Variants in IQANK1 observed in about 807,000 individuals in gnomAD.
IQANK1 encodes IQ motif and ankyrin repeat domain-containing protein 1.
In IQANK1, 30 loss-of-function variants were observed where a neutral mutation model predicts 22.6. The observed-to-expected ratio is 1.33, with a 90% CI of 0.99 to 1.80. The LOEUF (loss-of-function observed/expected upper bound fraction) is 1.80, where lower values mean the gene tolerates loss of function less well. Ranked by LOEUF, IQANK1 falls within the 40% of genes most tolerant of loss-of-function variation. The probability of loss-of-function intolerance (pLI) is 0.00; values close to 1 mark genes in which losing one functional copy is unlikely to be tolerated. For synonymous variants in IQANK1, 122 were observed against 99.6 expected (o/e 1.23, Z -1.34); for missense variants, 275 against 235.2 (o/e 1.17, Z -1.11).
At chr8:143,741,999 G>C (rs545618276) in intron 3 of IQANK1, 1 of 249,898 alleles carries the variant, frequency 4.0e-6, no homozygotes, top group East Asian at 9.3e-5. Flanking sequence ...CTCTGCCCCG[G>C]GGCCTGCTGG....
intron 3 of IQANK1, among the ~76,000 whole-genome samples, chr8:143,751,907 G>A (rs188147761): frequency 7.2e-4 from 84 of 117,254 alleles, no homozygotes; most frequent in African/African-American, 2.6e-3. Flanking sequence ...TAGTTTTGCT[G>A]GATATAGGAT....
intron 7 of IQANK1, among the ~76,000 whole-genome samples, chr8:143,779,063 A>G (rs547668401): frequency 9.8e-5 from 15 of 152,290 alleles, no homozygotes; most frequent in Middle Eastern, 6.8e-3. Flanking sequence ...CACCATGCCC[A>G]GCCATGAGTC....
chr8:143,746,892 A>G (rs1206624524), intron 3 of IQANK1, among the ~76,000 whole-genome samples: 1 of 151,626 alleles, frequency 6.6e-6, no homozygotes, highest in Non-Finnish European at 1.5e-5. Context: ...TTATTTATCT[A>G]TTTATGAGAT....
chr8:143,759,132 G>A (rs1587481453), intron 3 of IQANK1: 4 of 304,576 alleles, frequency 1.3e-5, no homozygotes, highest in South Asian at 7.3e-5. Flanking sequence ...GGAACACCAC[G>A]ATGCTCCAGG....
At chr8:143,750,479 T>G (rs1554627905) in intron 3 of IQANK1, among the ~76,000 whole-genome samples, 3 of 152,324 alleles carry the variant, frequency 2.0e-5, no homozygotes, top group African/African-American at 7.2e-5. Flanking sequence ...GGGGTTTTTA[T>G]TCATCCTGCC....
Position 143,772,138 on chromosome 8 carries a change from G to C in IQANK1, c.558G>C (p.Glu186Asp), listed in dbSNP as rs1177465883. The C allele has an allele frequency of 1.0e-5, 4 of 395,272 alleles. No individual in the cohort carries two copies. Among genetic ancestry groups the C allele is most frequent in the African/African-American group, 4.1e-5 (2 of 48,436 alleles). The allele number at this position is 395,272 out of a possible 1,614,324, so 24.5% of individuals were successfully genotyped here. The change falls in exon 6 of 14, where the codon GAG becomes GAC. Residue 186 changes from glutamate (E) to aspartate (D), a missense_variant. Physicochemically the swap from Glu to Asp is conservative, Grantham distance 45. Coordinates refer to ENST00000527139, the MANE Select transcript of IQANK1 (RefSeq NM_001381874.1). ...TGCAGCGACGCGTGGCTCTGGCGGA[G>C]TGCGAGGACAGCTACGGGAACACGC... ...RRLQRRVALA[E>D]CEDSYGNTPL...
intron 3 of IQANK1, among the ~76,000 whole-genome samples, chr8:143,740,637 C>T (rs147311425): frequency 3.3e-5 from 5 of 152,360 alleles, no homozygotes; most frequent in Admixed American, 1.3e-4. Context: ...GGCCTCGCGG[C>T]CACATCAGGT....
chr8:143,749,191 A>G (rs1310717469), intron 3 of IQANK1, among the ~76,000 whole-genome samples: 4 of 123,678 alleles, frequency 3.2e-5, no homozygotes, highest in African/African-American at 6.6e-5. Flanking sequence ...ATAAATATAT[A>G]TCATATATAA....
rs1201722733 is a variant in IQANK1 at position 143,777,374 on chromosome 8, G to A, written c.789+4892G>A. ...CTACTAAAAATACAAAAATTTGCTG[G>A]GCATGGTGGCAGGCGCCTGTAATCC... is the stretch of plus-strand genomic sequence containing the variant. On this transcript the variant is annotated intron_variant, in intron 7 of 13. Transcript: ENST00000527139. Among the ~76,000 whole-genome samples, 4 of 151,734 alleles carry A rather than the reference G, an allele frequency of 2.6e-5. No individual in the cohort carries two copies. The East Asian group carries it at 5.8e-4, about 22-fold the overall frequency.
chr8:143,777,996 C>T (rs1554630615), intron 7 of IQANK1, among the ~76,000 whole-genome samples: 1 of 152,110 alleles, frequency 6.6e-6, no homozygotes, highest in African/African-American at 2.4e-5. Context: ...AGATCGAGAC[C>T]ATCCTGGCTA....
intron 2 of IQANK1, among the ~76,000 whole-genome samples, chr8:143,736,397 G>C (rs1211547933): frequency 3.3e-5 from 5 of 151,982 alleles, no homozygotes; most frequent in Non-Finnish European, 7.4e-5. Flanking sequence ...CGCCCGCCTC[G>C]GCCTCTCAAA....
At chr8:143,765,674 T>C (rs1446101710) in intron 3 of IQANK1, among the ~76,000 whole-genome samples, 1 of 152,248 alleles carries the variant, frequency 6.6e-6, no homozygotes, top group Non-Finnish European at 1.5e-5. Context: ...TCACTTTTGG[T>C]ATGTTATTTT....
intron 3 of IQANK1, among the ~76,000 whole-genome samples, chr8:143,748,540 TA>T (rs1165177978): frequency 8.8e-5 from 12 of 135,622 alleles, no homozygotes; most frequent in African/African-American, 1.9e-4. Context: ...ATATGATATA[TA>T]ATATATAAAT....
rs149519459 is a variant in IQANK1 at position 143,753,975 on chromosome 8, C to T, written c.175+14027C>T. On this transcript the variant is annotated intron_variant, in intron 3 of 13. Coordinates refer to ENST00000527139, the MANE Select transcript of IQANK1 (RefSeq NM_001381874.1). ...TTGTAGGCTGTCTCTTTCCAAGGCT[C>T]AGCTGGGGTATAAACTTACGGTCTT... Among the ~76,000 whole-genome samples, 29 of 152,092 alleles carry T rather than the reference C, an allele frequency of 1.9e-4. No homozygotes were observed. The East Asian group carries it at 2.5e-3, about 13-fold the overall frequency.
At chr8:143,740,547 C>T (rs1446170636) in intron 3 of IQANK1, among the ~76,000 whole-genome samples, 1 of 152,270 alleles carries the variant, frequency 6.6e-6, no homozygotes, top group Non-Finnish European at 1.5e-5. Flanking sequence ...TGCCCTCCTG[C>T]TTCTGCGCTG....
At chr8:143,784,599 T>A (rs922285108) in intron 7 of IQANK1, among the ~76,000 whole-genome samples, 4 of 152,228 alleles carry the variant, frequency 2.6e-5, no homozygotes, top group African/African-American at 9.6e-5. Flanking sequence ...ATGAGTTTAT[T>A]TTTTACTTAT....
At position 143,764,447 on chromosome 8, in the gene IQANK1, G is replaced by A. The variant is rs539696469; in HGVS notation, c.176-7041G>A. On this transcript the variant is annotated intron_variant, in intron 3 of 13. Transcript: ENST00000527139. ...CTGGGCAACATGGTGAGACTCCGTC[G>A]CTACAAAAAAAAAAAAAAAAATTAG... 3.8e-4 allele frequency among the ~76,000 whole-genome samples: 33 copies of A among 86,516 alleles called. No individual in the cohort carries two copies. In the South Asian group the frequency reaches 8.4e-3, roughly 22 times the overall value. The allele number at this position is 86,516 out of a possible 152,430, so 56.8% of individuals were successfully genotyped here.
rs570667070 is a variant in IQANK1 at position 143,761,182 on chromosome 8, C to A, written c.176-10306C>A. On this transcript the variant is annotated intron_variant, in intron 3 of 13. Coordinates refer to ENST00000527139, the MANE Select transcript of IQANK1 (RefSeq NM_001381874.1). ...GGAGCCGCGCGCCCGAGAAGGGACC[C>A]GGAGCATCTCCCGCGGGCGCCCTGC... Among the ~76,000 whole-genome samples, 106 of 152,318 alleles carry A rather than the reference C, an allele frequency of 7.0e-4. 1 individual carries two copies. Among genetic ancestry groups the A allele is most frequent in the African/African-American group, 2.5e-3 (104 of 41,576 alleles).
chr8:143,748,852 T>TATATTTCATATATAAATATATAA (rs1563770481), intron 3 of IQANK1, among the ~76,000 whole-genome samples: 2 of 113,978 alleles, frequency 1.8e-5, no homozygotes, highest in African/African-American at 3.9e-5. Flanking sequence ...TATATAAATA[T>TATATTTCATATATAAATATATAA]ATATATCATA....
Sources: allele counts gnomAD v4.1 joint callset (sites outside exome capture counted in the v4.1 genomes callset), GRCh38; gene constraint gnomAD v4.1.1; transcripts MANE v1.5; gene names NCBI Gene and HGNC (gene_info 2026-07-23, HGNC 2026-07-21).